PDE10A: variants seen among roughly 807,000 people sequenced by gnomAD.
PDE10A encodes phosphodiesterase 10A.
Under a neutral mutation model 97.7 loss-of-function variants are expected in PDE10A, and 39 were observed. The ratio of observed to expected loss-of-function variants is 0.40; its 90% confidence interval spans 0.31 to 0.52. PDE10A has a LOEUF of 0.52. Ranked by LOEUF, PDE10A falls within the 20% of genes least tolerant of loss-of-function variation. The probability of loss-of-function intolerance (pLI) is 0.56; values close to 1 mark genes in which losing one functional copy is unlikely to be tolerated. For missense variants in PDE10A, 731 were observed against 1,047.8 expected (o/e 0.70, Z 4.17); for synonymous variants, 371 against 376.8 (o/e 0.98, Z 0.18).
chr6:165,637,254 C>A (rs1788919900), intron 1 of PDE10A, among the ~76,000 whole-genome samples: 2 of 152,148 alleles, frequency 1.3e-5, no homozygotes, highest in South Asian at 4.2e-4. Flanking sequence ...GGCAAAGAAT[C>A]ACAGATCAAG....
chr6:165,675,284 A>G (rs1363980820), intron 1 of PDE10A, among the ~76,000 whole-genome samples: 1 of 152,214 alleles, frequency 6.6e-6, no homozygotes, highest in East Asian at 1.9e-4. Flanking sequence ...CCAAACCATA[A>G]AATTTTACAT....
chr6:165,551,393 T>G (rs949871000), intron 1 of PDE10A, among the ~76,000 whole-genome samples: 4 of 152,186 alleles, frequency 2.6e-5, no homozygotes, highest in Non-Finnish European at 5.9e-5. Flanking sequence ...TTGGCCTACT[T>G]TGAATGCTCT....
chr6:165,765,438 G>T (rs903399880), intron 1 of PDE10A, among the ~76,000 whole-genome samples: 1 of 152,262 alleles, frequency 6.6e-6, no homozygotes, highest in African/African-American at 2.4e-5. Flanking sequence ...CCGCGGGAAG[G>T]CAGCTAAGGC....
At chr6:165,702,815 A>G (rs1239625788) in intron 1 of PDE10A, among the ~76,000 whole-genome samples, 1 of 152,152 alleles carries the variant, frequency 6.6e-6, no homozygotes, top group Non-Finnish European at 1.5e-5. Context: ...ACGCTCTCTC[A>G]TGATCTAATC....
At chr6:165,565,234 A>G (rs905415542) in intron 1 of PDE10A, among the ~76,000 whole-genome samples, 1 of 152,332 alleles carries the variant, frequency 6.6e-6, no homozygotes, top group East Asian at 1.9e-4. Flanking sequence ...CTTGGAACTA[A>G]TAAGTGATTA....
rs6928872 is a variant in PDE10A at position 165,566,202 on chromosome 6, G to A, written c.866-22634C>T. On this transcript the variant is annotated intron_variant, in intron 1 of 21. Transcript: ENST00000539869. ...ACATATCAGATAAAGACTTAACCCA[G>A]AATAGACAAAGAACTCTAAAGCTCA... 7.9e-3 allele frequency among the ~76,000 whole-genome samples: 1,209 copies of A among 152,192 alleles called. 17 individuals are homozygous for A. Among genetic ancestry groups the A allele is most frequent in the African/African-American group, 0.028 (1,145 of 41,520 alleles).
intron 2 of PDE10A, among the ~76,000 whole-genome samples, chr6:165,515,818 G>A (rs917852917): frequency 3.9e-5 from 6 of 152,084 alleles, no homozygotes; most frequent in African/African-American, 9.6e-5. Flanking sequence ...CAACGCGCCC[G>A]GCCTATTTTC....
At chr6:165,572,883 T>C (rs768030478) in intron 1 of PDE10A, among the ~76,000 whole-genome samples, 1 of 152,256 alleles carries the variant, frequency 6.6e-6, no homozygotes, top group East Asian at 1.9e-4. Flanking sequence ...ACTTCCAGTA[T>C]GTCTCACCAT....
At chr6:165,606,918 T>C (rs921992877) in intron 1 of PDE10A, among the ~76,000 whole-genome samples, 6 of 152,164 alleles carry the variant, frequency 3.9e-5, no homozygotes, top group Admixed American at 1.3e-4. Context: ...ATGATCAATA[T>C]GATAAGTGAA....
At chr6:165,406,963 C>T (rs1787227894) in intron 13 of PDE10A, among the ~76,000 whole-genome samples, 1 of 152,138 alleles carries the variant, frequency 6.6e-6, no homozygotes, top group South Asian at 2.1e-4. Flanking sequence ...AGGGTTACAC[C>T]ATCAGCTTCC....
chr6:165,426,489 A>G (rs1277866707), intron 10 of PDE10A, among the ~76,000 whole-genome samples: 1 of 152,200 alleles, frequency 6.6e-6, no homozygotes, highest in African/African-American at 2.4e-5. Context: ...AAACAGATCA[A>G]AGACCTAAAT....
intron 1 of PDE10A, among the ~76,000 whole-genome samples, chr6:165,551,025 C>T (rs1783989329): frequency 6.6e-6 from 1 of 152,058 alleles, no homozygotes; most frequent in Non-Finnish European, 1.5e-5. Context: ...AACTTAGTAA[C>T]AAAATCTGTC....
At chr6:165,911,205 C>A (rs1782444192) in intron 1 of PDE10A, among the ~76,000 whole-genome samples, 1 of 152,148 alleles carries the variant, frequency 6.6e-6, no homozygotes. Context: ...AAACCCAAAA[C>A]ATCAACATGA....
intron 1 of PDE10A, among the ~76,000 whole-genome samples, chr6:165,568,995 TG>T (rs947344282): frequency 1.2e-4 from 18 of 152,204 alleles, no homozygotes; most frequent in African/African-American, 4.3e-4. Context: ...TACTCTGAAG[TG>T]GGATGTGCTG....
intron 1 of PDE10A, among the ~76,000 whole-genome samples, chr6:165,933,264 A>C (rs1783201190): frequency 6.6e-6 from 1 of 152,186 alleles, no homozygotes; most frequent in African/African-American, 2.4e-5. Flanking sequence ...GAAACATCGC[A>C]GTTTCCAGAG....
intron 1 of PDE10A, among the ~76,000 whole-genome samples, chr6:165,943,344 AAG>A (rs774352692): frequency 1.5e-3 from 80 of 54,938 alleles, no homozygotes; most frequent in East Asian, 7.3e-3. Flanking sequence ...AAAGAAAGAA[AAG>A]AGAAAGAAAG....
chr6:165,959,596 C>T (rs1784297615), intron 1 of PDE10A, among the ~76,000 whole-genome samples: 3 of 152,174 alleles, frequency 2.0e-5, no homozygotes, highest in African/African-American at 7.2e-5. Context: ...AACTGTTTCC[C>T]TGGATAATGT....
At chr6:165,364,626 C>T (rs1411565015) in intron 18 of PDE10A, among the ~76,000 whole-genome samples, 1 of 152,088 alleles carries the variant, frequency 6.6e-6, no homozygotes, top group East Asian at 1.9e-4. Context: ...TGTGACTCTG[C>T]TAGTAGTTGC....
intron 1 of PDE10A, among the ~76,000 whole-genome samples, chr6:165,586,959 A>C (rs1785950297): frequency 6.6e-6 from 1 of 152,160 alleles, no homozygotes; most frequent in Admixed American, 6.5e-5. Flanking sequence ...ATCAGCATGC[A>C]AGCAAAACTT....
Sources: allele counts gnomAD v4.1 joint callset (sites outside exome capture counted in the v4.1 genomes callset), GRCh38; gene constraint gnomAD v4.1.1; transcripts MANE v1.5; gene names NCBI Gene and HGNC (gene_info 2026-07-23, HGNC 2026-07-21).